Variants in FRYL observed in about 807,000 individuals in gnomAD.
FRYL encodes FRY like transcription coactivator.
Under a neutral mutation model 351.2 loss-of-function variants are expected in FRYL, and 150 were observed. That is an observed-to-expected ratio of 0.43 (90% CI 0.37 to 0.49). The LOEUF is 0.49. Among genes scored for constraint, FRYL ranks in the 20% least tolerant of loss-of-function variants. FRYL has a pLI of 0.00. For synonymous variants in FRYL, 1,153 were observed against 1,257.1 expected (o/e 0.92, Z 1.75); for missense variants, 3,036 against 3,619.3 (o/e 0.84, Z 4.13).
In FRYL at chr4:48,755,601, C is replaced by A. The variant is rs150715247; in HGVS notation, c.-384+24477G>T. ...TACTGTACCTTATATGTTCTCCTGA[C>A]CCACACTCTAATAATCCTCTCTAAA... is the stretch of plus-strand genomic sequence containing the variant. On this transcript the variant is annotated intron_variant, in intron 1 of 63. Coordinates refer to ENST00000358350, the MANE Select transcript of FRYL (RefSeq NM_015030.2). 2.4e-4 allele frequency among the ~76,000 whole-genome samples: 37 copies of A among 152,266 alleles called. No individual in the cohort carries two copies. In the East Asian group the frequency reaches 6.9e-3, roughly 29 times the overall value.
chr4:48,627,357 A>C (rs982551877), intron 4 of FRYL, among the ~76,000 whole-genome samples: 12 of 152,204 alleles, frequency 7.9e-5, no homozygotes, highest in Admixed American at 7.9e-4. Flanking sequence ...TGCTGATTCA[A>C]GTAGTTTTTT....
At chr4:48,515,335 CAATA>C in intron 55 of FRYL, 60 bp from the exon 56 acceptor site, 6 of 1,226,726 alleles carry the variant, frequency 4.9e-6, no homozygotes, top group Non-Finnish European at 6.8e-6. Flanking sequence ...TTTTACAACA[CAATA>C]AATAAGTATT....
chr4:48,595,022 A>G (rs913808103), intron 15 of FRYL, among the ~76,000 whole-genome samples: 15 of 152,348 alleles, frequency 9.8e-5, no homozygotes, highest in African/African-American at 3.4e-4. Context: ...GAACTGGGAT[A>G]TGTAAAGAGG....
intron 57 of FRYL, among the ~76,000 whole-genome samples, chr4:48,511,421 G>A (rs1354060887): frequency 1.3e-5 from 2 of 152,130 alleles, no homozygotes; most frequent in African/African-American, 4.8e-5. Context: ...TCATAAAAAT[G>A]TATTAAGAGT....
intron 3 of FRYL, among the ~76,000 whole-genome samples, chr4:48,677,802 T>C (rs1466680872): frequency 6.6e-6 from 1 of 152,252 alleles, no homozygotes; most frequent in East Asian, 1.9e-4. Context: ...ATGCCATTTT[T>C]TTCTCTAAAA....
At chr4:48,654,972 A>G (rs937625936) in intron 3 of FRYL, among the ~76,000 whole-genome samples, 34 of 152,214 alleles carry the variant, frequency 2.2e-4, no homozygotes, top group African/African-American at 7.5e-4. Context: ...ATTTGTACCA[A>G]TCCATCTACA....
At chr4:48,674,647 G>C (rs1359191371) in intron 3 of FRYL, among the ~76,000 whole-genome samples, 14 of 144,314 alleles carry the variant, frequency 9.7e-5, no homozygotes, top group African/African-American at 3.6e-4. Flanking sequence ...TGAGGCAGGA[G>C]AATGACGTGA....
Position 48,557,686 on chromosome 4 carries a change from G to A in FRYL, c.3892C>T (p.His1298Tyr), listed in dbSNP as rs769214072. The A allele has an allele frequency of 1.2e-6, 2 of 1,614,100 alleles. No homozygotes were observed. The highest frequency in any genetic ancestry group is 1.7e-6 in the Non-Finnish European group (2 of 1,179,990). Residue 1298 changes from histidine (H) to tyrosine (Y), a missense_variant, in exon 34 of 64, where the codon CAC (histidine) becomes TAC (tyrosine). Coordinates refer to ENST00000358350, the MANE Select transcript of FRYL (RefSeq NM_015030.2). ...AGCATCACCTGCCGCCCAGCAGGGT[G>A]AGCTGTCTGGATTCTCTGGCTTATC... ...SEISQRIQTA[H>Y]PAGRQVMLHY... is the part of the protein sequence containing the mutation.
At chr4:48,685,212 C>T (rs1765026281) in intron 2 of FRYL, among the ~76,000 whole-genome samples, 1 of 151,984 alleles carries the variant, frequency 6.6e-6, no homozygotes. Context: ...AAGTTAATAC[C>T]ATTATAATGC....
intron 45 of FRYL, among the ~76,000 whole-genome samples, chr4:48,541,694 G>A (rs1730195531): frequency 6.6e-6 from 1 of 152,136 alleles, no homozygotes; most frequent in Non-Finnish European, 1.5e-5. Flanking sequence ...GGCTGCTGCA[G>A]GGAGAAGGAA....
intron 1 of FRYL, among the ~76,000 whole-genome samples, chr4:48,768,739 G>A (rs1775219587): frequency 2.6e-5 from 4 of 151,936 alleles, no homozygotes; most frequent in Non-Finnish European, 5.9e-5. Context: ...GGAGGTGGAT[G>A]TTGAGTGCGC....
At chr4:48,694,300 A>G (rs920131985) in intron 2 of FRYL, among the ~76,000 whole-genome samples, 34 of 152,094 alleles carry the variant, frequency 2.2e-4, no homozygotes, top group Non-Finnish European at 1.6e-4. Context: ...AAAAATTTAG[A>G]ATACTTTTTT....
chr4:48,621,759 T>C (rs1430282814), intron 5 of FRYL, among the ~76,000 whole-genome samples: 5 of 152,192 alleles, frequency 3.3e-5, no homozygotes, highest in Non-Finnish European at 5.9e-5. Flanking sequence ...TGTTATTTCA[T>C]ATTCTGCATA....
chr4:48,623,347 A>G (rs571892678), intron 4 of FRYL, among the ~76,000 whole-genome samples, 168 bp from the exon 5 acceptor site: 2 of 152,294 alleles, frequency 1.3e-5, no homozygotes, highest in South Asian at 4.1e-4. Flanking sequence ...GCCCAAGGTC[A>G]CATGGTTAAT....
rs1468656593 is a variant in FRYL at position 48,567,777 on chromosome 4, G to C, written c.2997-357C>G. Among the ~76,000 whole-genome samples the C allele has an allele frequency of 6.6e-6, 1 of 152,180 alleles. No homozygotes were observed. The highest frequency in any genetic ancestry group is 1.5e-5 in the Non-Finnish European group (1 of 68,022). ...AGTTTAGAAAAGTAGAAAGAGGAAA[G>C]ACTAGTTCTATTTATTCATAGCTGC... is the stretch of plus-strand genomic sequence containing the variant. On this transcript the variant is annotated intron_variant, in intron 27 of 63. Transcript: ENST00000358350. The surrounding 1 kb of genome is among the most constrained non-coding windows in gnomAD (Gnocchi z 4.2).
Position 48,565,047 on chromosome 4 carries a change from C to A in FRYL, c.3331-4G>T, listed in dbSNP as rs755292233. 5.4e-5 allele frequency: 80 copies of A among 1,487,374 alleles called. No homozygotes were observed. The Admixed American group carries it at 7.9e-4, about 15-fold the overall frequency. 92.1% of individuals were successfully genotyped at this position (1,487,374 alleles called of 1,614,324 possible). ...AACACAGTACAGCAGACATAGCCTT[C>A]AAATAATAATATTAGAATTACATTT... On this transcript the variant is annotated splice_region_variant and splice_polypyrimidine_tract_variant and intron_variant, in intron 29 of 63. Transcript: ENST00000358350.
chr4:48,623,187 T>TAAAA lies in FRYL; in HGVS notation c.121-12_121-9dup, dbSNP rs375565868. On this transcript the variant is annotated splice_polypyrimidine_tract_variant and intron_variant, in intron 4 of 63. Coordinates refer to ENST00000358350, the MANE Select transcript of FRYL (RefSeq NM_015030.2). ...TCTGGACAATAGCTTCTCCTATGAT[T>TAAAA]AAAAAAAACAAACATTAAAAATAAA... 9.2e-7 allele frequency: 1 copy of TAAAA among 1,091,536 alleles called. No individual in the cohort carries two copies. The highest frequency in any genetic ancestry group is 1.7e-5 in the South Asian group (1 of 58,526). The allele number at this position is 1,091,536 out of a possible 1,614,324, so 67.6% of individuals were successfully genotyped here. A position where few individuals can be genotyped will look rare whatever the true frequency, so the allele number is the denominator to read the frequency against.
intron 56 of FRYL, among the ~76,000 whole-genome samples, chr4:48,513,507 G>A (rs906994317): frequency 6.6e-6 from 1 of 152,146 alleles, no homozygotes; most frequent in African/African-American, 2.4e-5. Flanking sequence ...GCCAAAAAAA[G>A]GAAGAAATAT....
At chr4:48,709,991 T>C (rs1171854169) in intron 2 of FRYL, among the ~76,000 whole-genome samples, 2 of 152,240 alleles carry the variant, frequency 1.3e-5, no homozygotes, top group South Asian at 2.1e-4. Flanking sequence ...CTTCCCTCAC[T>C]ACCCCTATGT....
Sources: gnomAD v4.1 joint callset for allele counts (sites outside exome capture counted in the v4.1 genomes callset) on GRCh38, gnomAD v4.1.1 for gene constraint, Gnocchi (gnomAD v3.1) non-coding constraint, MANE v1.5 for transcripts, NCBI Gene and HGNC (gene_info 2026-07-23, HGNC 2026-07-21) for gene names.